Variants in VCPIP1 observed in about 807,000 individuals in gnomAD.
VCPIP1 encodes deubiquitinating protein VCPIP1.
VCPIP1 carries 8 observed loss-of-function variants against 85.0 expected under a neutral mutation model. The ratio of observed to expected loss-of-function variants is 0.09; its 90% CI spans 0.06 to 0.17. The LOEUF (loss-of-function observed/expected upper bound fraction) is 0.17. Among genes scored for constraint, VCPIP1 ranks in the 10% least tolerant of loss-of-function variants. The probability of loss-of-function intolerance (pLI) is 1.00; values close to 1 mark genes in which losing one functional copy is unlikely to be tolerated. For synonymous variants in VCPIP1, 543 were observed against 544.5 expected, an observed-to-expected ratio of 1.00 and a Z score of 0.04; for missense variants, 1,070 against 1,486.3, an observed-to-expected ratio of 0.72 and a Z score of 4.61.
intron 2 of VCPIP1, among the ~76,000 whole-genome samples, chr8:66,648,426 TG>T (rs1366605223): frequency 6.6e-6 from 1 of 152,194 alleles, no homozygotes; most frequent in Non-Finnish European, 1.5e-5. Context: ...TCTATCTAAT[TG>T]ATCATTTATC....
intron 1 of VCPIP1, among the ~76,000 whole-genome samples, chr8:66,662,744 C>T (rs1006664283): frequency 2.0e-5 from 3 of 151,162 alleles, no homozygotes; most frequent in South Asian, 2.1e-4. Flanking sequence ...TGCCGTGGCG[C>T]GATCTAGGCT....
chr8:66,662,255 G>A (rs1811165108), intron 1 of VCPIP1, among the ~76,000 whole-genome samples: 1 of 152,096 alleles, frequency 6.6e-6, no homozygotes, highest in African/African-American at 2.4e-5. Flanking sequence ...TCAGGCAAAG[G>A]GATAGAGATG....
At chr8:66,655,164 C>T (rs1811087766) in intron 1 of VCPIP1, among the ~76,000 whole-genome samples, 1 of 152,130 alleles carries the variant, frequency 6.6e-6, no homozygotes, top group Non-Finnish European at 1.5e-5. Context: ...GTTTTACCTT[C>T]TAGACTAGGT....
chr8:66,666,930 G>A lies in VCPIP1; in HGVS notation c.29C>T (p.Pro10Leu). Residue 10 changes from proline to leucine, a missense_variant, in exon 1 of 3, where the codon CCG becomes CTG. Transcript: ENST00000310421. This position sits in a 1 kb window ranked among gnomAD's most constrained non-coding sequence, Gnocchi z 6.3. The part of the protein sequence containing the change: MSQPPPPPP[P>L]LPPPPPPPEA... ...AGGGGGAGGAGGTGGCGGCGGCAAC[G>A]GAGGCGGCGGCGGCGGCGGCTGAGA... 1.3e-6 allele frequency: 2 copies of A among 1,582,172 alleles called. No individual in the cohort carries two copies. The highest frequency in any genetic ancestry group is 1.7e-6 in the Non-Finnish European group (2 of 1,170,094).
Position 66,630,338 on chromosome 8 carries a change from T to C in VCPIP1, c.*4163A>G, listed in dbSNP as rs1810822056. On this transcript the variant is annotated 3_prime_UTR_variant, in exon 3 of 3. Coordinates refer to ENST00000310421, the MANE Select transcript of VCPIP1 (RefSeq NM_025054.5). ...TAAATATTTACACTATTACTGCTTA[T>C]GTTTACAAATTCTAAGTATCATTTC... 6.6e-6 allele frequency: 1 copy of C among 152,510 alleles called. No individual in the cohort carries two copies. Among genetic ancestry groups the C allele is most frequent in the African/African-American group, 2.4e-5 (1 of 41,460 alleles). The allele number at this position is 152,510 out of a possible 1,614,324, so 9.4% of individuals were successfully genotyped here.
intron 2 of VCPIP1, among the ~76,000 whole-genome samples, chr8:66,648,950 A>G (rs1252842727): frequency 2.0e-5 from 3 of 152,156 alleles, no homozygotes; most frequent in Admixed American, 6.5e-5. Flanking sequence ...ACCTGAGCTC[A>G]GGAATTCAAG....
chr8:66,639,044 G>T (rs970000176), intron 2 of VCPIP1, among the ~76,000 whole-genome samples: 1 of 150,848 alleles, frequency 6.6e-6, no homozygotes, highest in African/African-American at 2.4e-5. Context: ...GTACAGTGGT[G>T]TGTGATCATG....
chr8:66,658,635 A>G (rs1371065796), intron 1 of VCPIP1, among the ~76,000 whole-genome samples: 1 of 151,730 alleles, frequency 6.6e-6, no homozygotes, highest in Non-Finnish European at 1.5e-5. Context: ...ATTACAGGCG[A>G]GCGCCATCAT....
At chr8:66,651,327 C>A in intron 2 of VCPIP1, 131 bp downstream of exon 2, 1 of 652,704 alleles carries the variant, frequency 1.5e-6, no homozygotes. Flanking sequence ...TTTAATTAGG[C>A]AAACTGCTAA....
chr8:66,664,177 C>A (rs1228366722), intron 1 of VCPIP1, 72 bp downstream of exon 1: 2 of 1,416,486 alleles, frequency 1.4e-6, no homozygotes, highest in East Asian at 4.9e-5. Flanking sequence ...TCTTTTCCCC[C>A]AAAGATAACA....
intron 2 of VCPIP1, among the ~76,000 whole-genome samples, chr8:66,649,717 C>T (rs527764111): frequency 6.6e-6 from 1 of 152,096 alleles, no homozygotes; most frequent in Non-Finnish European, 1.5e-5. Flanking sequence ...CAAAGAGGCA[C>T]AAGAAAACTT....
At chr8:66,660,911 C>A (rs1262246880) in intron 1 of VCPIP1, among the ~76,000 whole-genome samples, 2 of 152,144 alleles carry the variant, frequency 1.3e-5, no homozygotes, top group East Asian at 3.9e-4. Context: ...GGTGTGGTGG[C>A]ACGTGCTTGT....
chr8:66,638,958 C>CTATA (rs1810917910), intron 2 of VCPIP1, among the ~76,000 whole-genome samples: 1 of 135,660 alleles, frequency 7.4e-6, no homozygotes, highest in Admixed American at 7.2e-5. Context: ...CTCTCTCTCT[C>CTATA]TCTCTCTCTC....
rs1309817238 is a variant in VCPIP1 at position 66,632,740 on chromosome 8, T to C, written c.*1761A>G. On this transcript the variant is annotated 3_prime_UTR_variant, in exon 3 of 3. Transcript: ENST00000310421. ...AATTATAGTGGTTAGTGAAGTGATA[T>C]TTGTAATTCGTAGTTTAATACACAG... is the stretch of plus-strand genomic sequence containing the variant. 2 of 152,110 alleles carry C rather than the reference T, an allele frequency of 1.3e-5. No individual in the cohort carries two copies. The highest frequency in any genetic ancestry group is 4.8e-5 in the African/African-American group (2 of 41,458). The allele number at this position is 152,110 out of a possible 1,614,324, so 9.4% of individuals were successfully genotyped here.
intron 2 of VCPIP1, among the ~76,000 whole-genome samples, chr8:66,646,217 C>G (rs911348446): frequency 3.3e-5 from 5 of 151,760 alleles, no homozygotes; most frequent in Non-Finnish European, 7.4e-5. Flanking sequence ...GGATTATGGG[C>G]GCATGCCACC....
intron 2 of VCPIP1, among the ~76,000 whole-genome samples, chr8:66,648,870 T>C (rs1811023930): frequency 6.6e-6 from 1 of 152,056 alleles, no homozygotes; most frequent in South Asian, 2.1e-4. Context: ...GTAAAACTTT[T>C]AAGTATTCAG....
At chr8:66,637,186 C>CA (rs988521251) in intron 2 of VCPIP1, among the ~76,000 whole-genome samples, 12 of 150,636 alleles carry the variant, frequency 8.0e-5, no homozygotes, top group East Asian at 2.0e-4. Flanking sequence ...CTGGTCTCTA[C>CA]AAAAAAAACA....
intron 2 of VCPIP1, among the ~76,000 whole-genome samples, chr8:66,649,727 T>C (rs1475869962): frequency 6.6e-6 from 1 of 152,096 alleles, no homozygotes; most frequent in African/African-American, 2.4e-5. Context: ...CAAGAAAACT[T>C]TTTGGAGTGA....
chr8:66,667,157 T>C lies in VCPIP1; in HGVS notation c.-199A>G. 1 of 1,246,552 alleles carries C rather than the reference T, an allele frequency of 8.0e-7. No individual in the cohort carries two copies. 77.2% of individuals were successfully genotyped at this position (1,246,552 alleles called of 1,614,324 possible). A position where few individuals can be genotyped will look rare whatever the true frequency, so the allele number is the denominator to read the frequency against. ...TCTTACTTCTCCACTGCCGTAGCCG[T>C]TGCCCCGAACGTAACGGCCACCACC... On this transcript the variant is annotated 5_prime_UTR_variant, in exon 1 of 3. Transcript: ENST00000310421.
Sources: gnomAD v4.1 joint callset for allele counts (sites outside exome capture counted in the v4.1 genomes callset) on GRCh38, gnomAD v4.1.1 for gene constraint, Gnocchi (gnomAD v3.1) non-coding constraint, MANE v1.5 for transcripts, NCBI Gene and HGNC (gene_info 2026-07-23, HGNC 2026-07-21) for gene names.